The following TMTC1 variants were observed in gnomAD, a reference collection of about 807,000 sequenced individuals.
The protein encoded by TMTC1 is transmembrane O-mannosyltransferase targeting cadherins 1, also known as protein O-mannosyl-transferase TMTC1.
In TMTC1, 73 loss-of-function variants were observed where a neutral mutation model predicts 104.8. The ratio of observed to expected loss-of-function variants is 0.70; its 90% CI spans 0.58 to 0.85. TMTC1 has a LOEUF of 0.85. TMTC1 is among the 40% of genes least tolerant of loss of function. The pLI, the probability that TMTC1 is intolerant of heterozygous loss-of-function variation, is 0.00. For synonymous variants in TMTC1, 434 were observed against 428.7 expected (o/e 1.01, Z -0.15); for missense variants, 1,035 against 1,096.1 (o/e 0.94, Z 0.79).
At chr12:29,523,693 GTAAGATGGTTTTTT>G (rs1378114375) in intron 11 of TMTC1, among the ~76,000 whole-genome samples, 4 of 152,160 alleles carry the variant, frequency 2.6e-5, no homozygotes, top group African/African-American at 9.7e-5. Context: ...AGTGAGCTTT[GTAAGATGGTTTTTT>G]TAGGTTATTT....
chr12:29,692,699 T>TAG (rs1941300349), intron 5 of TMTC1, among the ~76,000 whole-genome samples: 1 of 145,314 alleles, frequency 6.9e-6, no homozygotes. Context: ...TGTGAATGTA[T>TAG]AGAGTATTAT....
intron 7 of TMTC1, among the ~76,000 whole-genome samples, chr12:29,598,509 C>T (rs1168264595): frequency 1.3e-5 from 2 of 152,174 alleles, no homozygotes; most frequent in African/African-American, 4.8e-5. Flanking sequence ...TATTCCAATC[C>T]ATGAACACAG....
intron 5 of TMTC1, chr12:29,660,780 A>G (rs1279193024): frequency 1.7e-6 from 1 of 596,596 alleles, no homozygotes; most frequent in East Asian, 5.8e-5. Context: ...TCAAAAGTAT[A>G]TATATATATA....
rs1005240307 is a variant in TMTC1 at position 29,616,750 on chromosome 12, C to T, written c.1129-12451G>A. The stretch of plus-strand genomic sequence containing the variant: ...GAATAACTGATGGCCATTTTCTACA[C>T]TAAAAATCACTATACATTTAGAGAA... On this transcript the variant is annotated intron_variant, in intron 6 of 17. Transcript: ENST00000539277. 2.6e-5 allele frequency among the ~76,000 whole-genome samples: 4 copies of T among 151,334 alleles called. No individual in the cohort carries two copies. In the East Asian group the frequency reaches 7.8e-4, roughly 30 times the overall value.
At chr12:29,612,248 G>A (rs1946864390) in intron 6 of TMTC1, among the ~76,000 whole-genome samples, 1 of 152,092 alleles carries the variant, frequency 6.6e-6, no homozygotes, top group Non-Finnish European at 1.5e-5. Context: ...CTCTAACAGA[G>A]GGTGCTATTG....
intron 5 of TMTC1, among the ~76,000 whole-genome samples, chr12:29,704,366 G>A (rs1216035856): frequency 2.0e-5 from 3 of 152,166 alleles, no homozygotes; most frequent in Non-Finnish European, 4.4e-5. Flanking sequence ...ATGAATGAAC[G>A]TATGAATGAA....
At chr12:29,713,662 T>C (rs992171885) in intron 5 of TMTC1, among the ~76,000 whole-genome samples, 1 of 152,148 alleles carries the variant, frequency 6.6e-6, no homozygotes, top group East Asian at 1.9e-4. Context: ...TGAACCAAAA[T>C]CCAAATGTTT....
intron 5 of TMTC1, among the ~76,000 whole-genome samples, chr12:29,652,425 T>C (rs1203476941): frequency 6.6e-6 from 1 of 152,192 alleles, no homozygotes; most frequent in East Asian, 1.9e-4. Context: ...TTACCGCCTC[T>C]ATACCAGGGT....
rs1356663378 is a variant in TMTC1, at chr12:29,537,947, A to G, written c.1677-1630T>C. On this transcript the variant is annotated intron_variant, in intron 10 of 17. Coordinates refer to ENST00000539277, the MANE Select transcript of TMTC1 (RefSeq NM_001193451.2). ...GACCTTGGATTTAACAATTCAATGA[A>G]GCAAATATTTATCATTATCGATTAT... Among the ~76,000 whole-genome samples the G allele has an allele frequency of 2.0e-5, 3 of 152,226 alleles. No individual in the cohort carries two copies. In the East Asian group the frequency reaches 5.8e-4, roughly 29 times the overall value.
intron 5 of TMTC1, among the ~76,000 whole-genome samples, chr12:29,701,892 A>G (rs2136800625): frequency 6.6e-6 from 1 of 152,322 alleles, no homozygotes; most frequent in African/African-American, 2.4e-5. Flanking sequence ...AAGGTAAGGT[A>G]GGTCCATGAA....
intron 8 of TMTC1, among the ~76,000 whole-genome samples, chr12:29,579,079 TACAGACCCA>T (rs898381578): frequency 1.3e-5 from 2 of 152,172 alleles, no homozygotes; most frequent in Non-Finnish European, 2.9e-5. Flanking sequence ...TTTGTAAGGT[TACAGACCCA>T]ATAAATCGTT....
chr12:29,709,840 C>A (rs1412696155), intron 5 of TMTC1, among the ~76,000 whole-genome samples: 1 of 152,128 alleles, frequency 6.6e-6, no homozygotes, highest in Admixed American at 6.6e-5. Context: ...TGTGCACTAA[C>A]CTGTAGGATA....
chr12:29,737,921 T>A (rs1049181434), intron 5 of TMTC1, among the ~76,000 whole-genome samples: 3 of 152,110 alleles, frequency 2.0e-5, no homozygotes, highest in Non-Finnish European at 4.4e-5. Context: ...GGGAAAGAGA[T>A]CATGAATAAT....
At chr12:29,758,647 G>A (rs1943271102) in intron 3 of TMTC1, 57 bp downstream of exon 3, 2 of 1,529,122 alleles carry the variant, frequency 1.3e-6, no homozygotes, top group Middle Eastern at 1.7e-4. Flanking sequence ...CATGCTCCCA[G>A]TCTACACACA....
intron 5 of TMTC1, among the ~76,000 whole-genome samples, chr12:29,719,556 T>C (rs1417741860): frequency 6.6e-6 from 1 of 152,226 alleles, no homozygotes; most frequent in African/African-American, 2.4e-5. Context: ...AATTTCCTTA[T>C]GGTGACCTCA....
intron 5 of TMTC1, among the ~76,000 whole-genome samples, chr12:29,733,040 A>C (rs1240639901): frequency 6.6e-6 from 1 of 152,226 alleles, no homozygotes; most frequent in South Asian, 2.1e-4. Flanking sequence ...ACTTGGCTCA[A>C]GAAAGACCTG....
chr12:29,736,794 GTGCTGGCA>G (rs1416533382), intron 5 of TMTC1, among the ~76,000 whole-genome samples: 2 of 152,216 alleles, frequency 1.3e-5, no homozygotes, highest in African/African-American at 2.4e-5. Context: ...GTGCAACACT[GTGCTGGCA>G]TGCCCACAGC....
chr12:29,652,332 C>G (rs1177819263), intron 5 of TMTC1, among the ~76,000 whole-genome samples: 1 of 152,114 alleles, frequency 6.6e-6, no homozygotes, highest in East Asian at 1.9e-4. Context: ...GAGGAAGACC[C>G]AAGATGATAT....
Position 29,516,475 on chromosome 12 carries a change from C to T in TMTC1, c.2181G>A (p.Leu727=). Residue 727 remains leucine, a synonymous_variant, in exon 15 of 18, where the codon TTG becomes TTA. Coordinates refer to ENST00000539277, the MANE Select transcript of TMTC1 (RefSeq NM_001193451.2). ...RELRLALAQV[L]AVMGQTKEAE... is the part of the protein sequence containing the mutation. Reference sequence around the variant, plus strand: ...CTTCTTTTGTCTGACCCATCACGGCCAAAACCTGAGCCTACAAAACCACAT... The same window carrying T: ...CTTCTTTTGTCTGACCCATCACGGCTAAAACCTGAGCCTACAAAACCACAT... The T allele has an allele frequency of 1.2e-6, 2 of 1,613,456 alleles. No individual in the cohort carries two copies. Among genetic ancestry groups the T allele is most frequent in the Non-Finnish European group, 1.7e-6 (2 of 1,179,668 alleles).
Sources: gnomAD v4.1 joint callset for allele counts (sites outside exome capture counted in the v4.1 genomes callset) on GRCh38, gnomAD v4.1.1 for gene constraint, MANE v1.5 for transcripts, NCBI Gene and HGNC (gene_info 2026-07-23, HGNC 2026-07-21) for gene names.